The following EVC2 variants were observed in gnomAD, a reference collection of about 807,000 sequenced individuals.
The protein encoded by EVC2 is EvC ciliary complex subunit 2, also known as limbin.
Under a neutral mutation model 149.3 loss-of-function variants are expected in EVC2, and 148 were observed. That is an observed-to-expected ratio of 0.99 (90% CI 0.87 to 1.14). The LOEUF (loss-of-function observed/expected upper bound fraction) is 1.14. Among genes scored for constraint, EVC2 ranks in the 50% most tolerant of loss-of-function variants. EVC2 has a pLI of 0.00. For synonymous variants in EVC2, 776 were observed against 649.9 expected (o/e 1.19, Z -2.95); for missense variants, 1,854 against 1,627.3 (o/e 1.14, Z -2.40).
intron 9 of EVC2, among the ~76,000 whole-genome samples, chr4:5,649,264 T>C (rs564110603): frequency 1.3e-5 from 2 of 152,278 alleles, no homozygotes; most frequent in African/African-American, 4.8e-5. Context: ...GATGAACATA[T>C]TTTCTCTGGC....
the EVC2 span, among the ~76,000 whole-genome samples, chr4:5,537,672 A>G: frequency 6.6e-6 from 1 of 152,232 alleles, no homozygotes; most frequent in African/African-American, 2.4e-5. Context: ...TTGGCATTCA[A>G]TCAAGGAGTA....
At position 5,543,763 on chromosome 4, in the gene EVC2, G is replaced by T. The variant is rs147350262; in HGVS notation, c.3420-551C>A. On this transcript the variant is annotated intron_variant and NMD_transcript_variant, in intron 21 of 22. Coordinates refer to the EVC2 transcript ENST00000475313. ...GGAACCGGAGAGGGAAATGGTACCT[G>T]CTTATTAATTGCAGTTCCAGCCCCT... Among the ~76,000 whole-genome samples the T allele has an allele frequency of 3.9e-5, 6 of 152,286 alleles. No homozygotes were observed. The East Asian group carries it at 1.2e-3, about 29-fold the overall frequency.
At chr4:5,645,493 T>C (rs890245626) in intron 9 of EVC2, among the ~76,000 whole-genome samples, 1 of 152,292 alleles carries the variant, frequency 6.6e-6, no homozygotes, top group East Asian at 1.9e-4. Flanking sequence ...CTCCCACTTA[T>C]AAGTGAGAAT....
intron 21 of EVC2, among the ~76,000 whole-genome samples, chr4:5,547,530 A>G (rs999027127): frequency 4.6e-5 from 7 of 152,130 alleles, no homozygotes; most frequent in Non-Finnish European, 8.8e-5. Context: ...ATGGCCATCC[A>G]TGGACCAACT....
intron 11 of EVC2, among the ~76,000 whole-genome samples, chr4:5,630,286 A>C (rs1241089262): frequency 6.6e-6 from 1 of 152,160 alleles, no homozygotes; most frequent in Admixed American, 6.5e-5. Context: ...TACTAGCTGC[A>C]GGTCCCCAGA....
intron 9 of EVC2, among the ~76,000 whole-genome samples, chr4:5,647,343 T>C (rs1175379990): frequency 6.6e-6 from 1 of 152,152 alleles, no homozygotes; most frequent in African/African-American, 2.4e-5. Context: ...TTTTTATATA[T>C]TTGGTAGGTT....
In EVC2 at chr4:5,622,526, A is replaced by AAGGCAC; in HGVS notation, c.2501+5_2501+10dup. The AAGGCAC allele has an allele frequency of 6.2e-7, 1 of 1,613,056 alleles. No homozygotes were observed. Among genetic ancestry groups the AAGGCAC allele is most frequent in the Non-Finnish European group, 8.5e-7 (1 of 1,179,656 alleles). On this transcript the variant is annotated intron_variant, in intron 14 of 21. Transcript: ENST00000344408. The surrounding 1 kb of genome is among the most constrained non-coding windows in gnomAD (Gnocchi z 5.8). ...TGGGGAGGGGTGATTACGACCCGCA[A>AAGGCAC]AGGCACTCACATGAAGATCAGGTGC... is the stretch of plus-strand genomic sequence containing the variant.
chr4:5,685,267 A>G lies in EVC2; in HGVS notation c.816+103T>C. The G allele has an allele frequency of 7.2e-6, 8 of 1,105,120 alleles. No individual in the cohort carries two copies. The South Asian group carries it at 1.0e-4, about 14-fold the overall frequency. 68.5% of individuals were successfully genotyped at this position (1,105,120 alleles called of 1,614,324 possible). A position where few individuals can be genotyped will look rare whatever the true frequency, so the allele number is the denominator to read the frequency against. On this transcript the variant is annotated intron_variant, in intron 6 of 21. Transcript: ENST00000344408. The stretch of plus-strand genomic sequence containing the variant: ...CTTATCTGCTAGGTGGCATCACTGA[A>G]GGAAGGAAGGAACTAACAGGTCTTC...
intron 3 of EVC2, among the ~76,000 whole-genome samples, chr4:5,692,022 C>CT (rs1396704084): frequency 6.6e-6 from 1 of 152,160 alleles, no homozygotes; most frequent in African/African-American, 2.4e-5. Flanking sequence ...GGACTGGACC[C>CT]TTACTGCATC....
chr4:5,640,692 A>G lies in EVC2; in HGVS notation c.1292T>C (p.Val431Ala). ...SPQVERKMSA[V>A]FKKQFLLLEN... is the part of the protein sequence containing the mutation. ...CAGCAATAGAAACTGCTTTTTGAAA[A>G]CAGCACTCATTTTTCTCTCTACTTG... The change falls in exon 10 of 22, where the codon GTT (valine) becomes GCT (alanine). Residue 431 changes from valine to alanine, a missense_variant. Physicochemically the swap from Val to Ala is moderately conservative, Grantham distance 64. Transcript: ENST00000344408. The surrounding 1 kb of genome is among the most constrained non-coding windows in gnomAD (Gnocchi z 4.6). 6.2e-7 allele frequency: 1 copy of G among 1,613,986 alleles called. No homozygotes were observed. The highest frequency in any genetic ancestry group is 8.5e-7 in the Non-Finnish European group (1 of 1,179,992).
At chr4:5,547,125 T>C (rs1223443542) in intron 21 of EVC2, among the ~76,000 whole-genome samples, 1 of 152,170 alleles carries the variant, frequency 6.6e-6, no homozygotes. Flanking sequence ...CTGCCTGGCT[T>C]CTCCCTGCTG....
chr4:5,671,731 T>C (rs1452637606), intron 7 of EVC2, among the ~76,000 whole-genome samples: 5 of 152,168 alleles, frequency 3.3e-5, no homozygotes, highest in Non-Finnish European at 4.4e-5. Context: ...AGGCTTGTCT[T>C]AAACTCCTGA....
rs573182812 is a variant in EVC2 at position 5,613,869 on chromosome 4, C to T, written c.2829+1553G>A. On this transcript the variant is annotated intron_variant, in intron 16 of 21. Transcript: ENST00000344408. This position sits in a 1 kb window ranked among gnomAD's most constrained non-coding sequence, Gnocchi z 4.6. Reference sequence around the variant, plus strand: ...CTGGATCCCTTAAGACATCAACAACCTGGACACACCTGATGGGAGACACTG... The same window carrying T: ...CTGGATCCCTTAAGACATCAACAACTTGGACACACCTGATGGGAGACACTG... Among the ~76,000 whole-genome samples the T allele has an allele frequency of 2.0e-5, 3 of 152,142 alleles. No individual in the cohort carries two copies. The South Asian group carries it at 6.2e-4, about 31-fold the overall frequency.
the EVC2 span, among the ~76,000 whole-genome samples, chr4:5,530,849 AAATATT>A: frequency 6.6e-6 from 1 of 152,210 alleles, no homozygotes; most frequent in Non-Finnish European, 1.5e-5. Context: ...ATTTACAAAT[AAATATT>A]GTGTTAATAG....
At chr4:5,620,848 T>C (rs1715637074) in intron 14 of EVC2, among the ~76,000 whole-genome samples, 1 of 152,326 alleles carries the variant, frequency 6.6e-6, no homozygotes, top group African/African-American at 2.4e-5. Context: ...ATTCACTTGC[T>C]ACGAAGAGTC....
At chr4:5,703,987 A>C (rs12647207) in intron 1 of EVC2, among the ~76,000 whole-genome samples, 37,185 of 151,998 alleles carry the variant, frequency 0.24, 4,621 homozygotes, top group African/African-American at 0.26. Context: ...CTGAGGTGGG[A>C]ACACACCCAG....
At position 5,689,276 on chromosome 4, in the gene EVC2, G is replaced by A. The variant is rs766510526; in HGVS notation, c.587C>T (p.Ser196Leu). ...GAGCAGCTCCGAGAGGTTGGCTGAC[G>A]AGGTTGTCTTGGTGTTGTTAACAAG... ...WLLVNNTKTT[S>L]SANLSELLLL... is the part of the protein sequence containing the mutation. Residue 196 changes from serine to leucine, a missense_variant, in exon 5 of 22, where the codon TCG becomes TTG. Coordinates refer to ENST00000344408, the MANE Select transcript of EVC2 (RefSeq NM_147127.5). The A allele has an allele frequency of 6.8e-6, 11 of 1,614,202 alleles. No individual in the cohort carries two copies. The highest frequency in any genetic ancestry group is 2.2e-5 in the East Asian group (1 of 44,876).
intron 16 of EVC2, among the ~76,000 whole-genome samples, chr4:5,598,734 T>G (rs143532005): frequency 0.16 from 24,748 of 152,104 alleles, 2,842 homozygotes; most frequent in East Asian, 0.61. Flanking sequence ...CTCATTAAAC[T>G]AAAGAGCTTC....
In EVC2 at chr4:5,708,289, C is replaced by T. The variant is rs879806038; in HGVS notation, c.225G>A (p.Thr75=). The T allele has an allele frequency of 2.0e-6, 3 of 1,477,490 alleles. No homozygotes were observed. Among genetic ancestry groups the T allele is most frequent in the Non-Finnish European group, 2.7e-6 (3 of 1,119,338 alleles). The allele number at this position is 1,477,490 out of a possible 1,614,324, so 91.5% of individuals were successfully genotyped here. A position where few individuals can be genotyped will look rare whatever the true frequency, so the allele number is the denominator to read the frequency against. The change falls in exon 1 of 22, where the codon ACG becomes ACA. Residue 75 remains threonine, a synonymous_variant. Coordinates refer to ENST00000344408, the MANE Select transcript of EVC2 (RefSeq NM_147127.5). ...CCTGGGGTCGGGCCCTCCTTACCTGCGTGCTGCTCTCGGGCCCCGCCCCGC... is the reference window on the plus strand; with the variant it reads ...CCTGGGGTCGGGCCCTCCTTACCTGTGTGCTGCTCTCGGGCCCCGCCCCGC... The part of the protein sequence containing the change: ...GRSGAGPESS[T]QDLPCMIWPK...
Sources: allele counts gnomAD v4.1 joint callset (sites outside exome capture counted in the v4.1 genomes callset), GRCh38; gene constraint gnomAD v4.1.1; non-coding constraint Gnocchi (gnomAD v3.1); transcripts MANE v1.5; gene names NCBI Gene and HGNC (gene_info 2026-07-23, HGNC 2026-07-21).